Variants in PLEKHH2 observed in about 807,000 individuals in gnomAD.
PLEKHH2 encodes the protein pleckstrin homology domain-containing family H member 2.
PLEKHH2 carries 129 observed loss-of-function variants against 187.9 expected under a neutral mutation model. That is an observed-to-expected ratio of 0.69 (90% CI 0.59 to 0.79). PLEKHH2 has a LOEUF of 0.79. PLEKHH2 is among the 30% of genes least tolerant of loss of function. PLEKHH2 has a pLI of 0.00. For missense variants in PLEKHH2, 2,076 were observed against 1,751.2 expected (o/e 1.19, Z -3.31); for synonymous variants, 686 against 605.6 (o/e 1.13, Z -1.95).
At chr2:43,689,906 A>G (rs1478523232) in intron 3 of PLEKHH2, among the ~76,000 whole-genome samples, 1 of 152,226 alleles carries the variant, frequency 6.6e-6, no homozygotes, top group Non-Finnish European at 1.5e-5. Context: ...TTCCTAAGCA[A>G]CAATAGGACT....
chr2:43,683,560 C>G (rs77802273), intron 3 of PLEKHH2, among the ~76,000 whole-genome samples: 145 of 151,864 alleles, frequency 9.5e-4, no homozygotes, highest in African/African-American at 3.3e-3. Flanking sequence ...TTTCTTTCAA[C>G]TTATTTGTAT....
At chr2:43,683,774 C>G (rs1347636885) in intron 3 of PLEKHH2, among the ~76,000 whole-genome samples, 4 of 146,840 alleles carry the variant, frequency 2.7e-5, no homozygotes, top group African/African-American at 1.0e-4. Context: ...CTAGTTATCT[C>G]TCTCTCTCTC....
chr2:43,729,792 A>T, intron 18 of PLEKHH2, 47 bp downstream of exon 18: 1 of 1,334,608 alleles, frequency 7.5e-7, no homozygotes, highest in Non-Finnish European at 1.0e-6. Context: ...AATGAAATGG[A>T]CCTCAACCCG....
intron 26 of PLEKHH2, among the ~76,000 whole-genome samples, chr2:43,758,515 C>T (rs1304658223): frequency 6.6e-6 from 1 of 152,086 alleles, no homozygotes; most frequent in South Asian, 2.1e-4. Flanking sequence ...GGCCTCCCAA[C>T]GTGCTGGGAT....
At chr2:43,639,900 A>T (rs1315668713) in intron 1 of PLEKHH2, among the ~76,000 whole-genome samples, 1 of 151,810 alleles carries the variant, frequency 6.6e-6, no homozygotes, top group African/African-American at 2.4e-5. Context: ...CAGATGATCC[A>T]CCTGCTTTTG....
rs573236716 is a variant in PLEKHH2, at chr2:43,712,698, C to T, written c.2460+315C>T. ...TGGTTAATATCATTAATATTTAACA[C>T]GTTTTTTTCTAATCAGTAAGCAAAC... On this transcript the variant is annotated intron_variant, in intron 15 of 29. Coordinates refer to ENST00000282406, the MANE Select transcript of PLEKHH2 (RefSeq NM_172069.4). 3.9e-5 allele frequency among the ~76,000 whole-genome samples: 6 copies of T among 152,106 alleles called. No individual in the cohort carries two copies. The South Asian group carries it at 1.0e-3, about 26-fold the overall frequency.
rs60819579 is a variant in PLEKHH2 at position 43,707,196 on chromosome 2, C to CAAAAAAAAAAAAA, written c.1822-197_1822-185dup. On this transcript the variant is annotated intron_variant, in intron 10 of 29. Coordinates refer to ENST00000282406, the MANE Select transcript of PLEKHH2 (RefSeq NM_172069.4). ...GGGTGACAAGAGCAAGACTCCACCT[C>CAAAAAAAAAAAAA]AAAAAAAAAAAAAAAAAAAATTCTA... Among the ~76,000 whole-genome samples the CAAAAAAAAAAAAA allele has an allele frequency of 2.7e-4, 24 of 88,186 alleles. 1 individual carries two copies. The highest frequency in any genetic ancestry group is 1.0e-3 in the African/African-American group (22 of 21,452). 57.9% of individuals were successfully genotyped at this position (88,186 alleles called of 152,430 possible). A position where few individuals can be genotyped will look rare whatever the true frequency, so the allele number is the denominator to read the frequency against.
At chr2:43,675,611 C>T (rs750378177) in intron 2 of PLEKHH2, 2 of 1,613,656 alleles carry the variant, frequency 1.2e-6, no homozygotes, top group Non-Finnish European at 1.7e-6. Context: ...TCTCTTCCTT[C>T]ATAATCCTCT....
At chr2:43,641,434 A>G (rs1179550153) in intron 1 of PLEKHH2, among the ~76,000 whole-genome samples, 1 of 152,112 alleles carries the variant, frequency 6.6e-6, no homozygotes, top group Non-Finnish European at 1.5e-5. Flanking sequence ...GCAGCCCAGG[A>G]TGGCTTTGAA....
chr2:43,652,221 G>A (rs1318299697), intron 2 of PLEKHH2, among the ~76,000 whole-genome samples: 3 of 152,162 alleles, frequency 2.0e-5, no homozygotes. Context: ...TTGGCAGATG[G>A]GTTTAAGAGA....
rs954743672 is a variant in PLEKHH2 at position 43,729,620 on chromosome 2, T to C, written c.2722-17T>C. On this transcript the variant is annotated splice_polypyrimidine_tract_variant and intron_variant, in intron 17 of 29. Coordinates refer to ENST00000282406, the MANE Select transcript of PLEKHH2 (RefSeq NM_172069.4). ...AAACTGTGTCTTAACATTTAATTAA[T>C]ATGTTCTGGTTTTAAGGACACTTGG... 1.0e-4 allele frequency: 155 copies of C among 1,489,682 alleles called. No individual in the cohort carries two copies. The highest frequency in any genetic ancestry group is 1.4e-4 in the Non-Finnish European group (153 of 1,102,346). The allele number at this position is 1,489,682 out of a possible 1,614,324, so 92.3% of individuals were successfully genotyped here.
At chr2:43,680,778 C>G (rs145025597) in intron 3 of PLEKHH2, 3 of 366,398 alleles carry the variant, frequency 8.2e-6, no homozygotes, top group South Asian at 2.9e-5. Context: ...GTTTGTCATT[C>G]CAAGTTTCTC....
At chr2:43,678,119 G>A (rs1259333155) in intron 2 of PLEKHH2, among the ~76,000 whole-genome samples, 16 of 148,954 alleles carry the variant, frequency 1.1e-4, no homozygotes, top group Middle Eastern at 3.9e-3. Flanking sequence ...ACCGGGCGGC[G>A]GGGCAGAGGC....
intron 19 of PLEKHH2, among the ~76,000 whole-genome samples, chr2:43,736,560 C>T (rs576810995): frequency 2.0e-5 from 3 of 152,108 alleles, no homozygotes; most frequent in Non-Finnish European, 2.9e-5. Flanking sequence ...GCTGATCGGG[C>T]GCGGTGGCTC....
intron 16 of PLEKHH2, 132 bp from the exon 17 acceptor site, chr2:43,726,140 A>G: frequency 1.6e-6 from 1 of 625,930 alleles, no homozygotes. Flanking sequence ...AAAAAAAAAA[A>G]GGAAAATAAA....
chr2:43,707,350 G>T (rs1669711881), intron 10 of PLEKHH2, 51 bp from the exon 11 acceptor site: 3 of 1,600,096 alleles, frequency 1.9e-6, no homozygotes, highest in Non-Finnish European at 2.6e-6. Flanking sequence ...TTTCTTGGAT[G>T]AGTGGTAACA....
intron 7 of PLEKHH2, among the ~76,000 whole-genome samples, chr2:43,697,958 T>TA (rs1408382810): frequency 6.6e-6 from 1 of 151,766 alleles, no homozygotes; most frequent in African/African-American, 2.4e-5. Flanking sequence ...AGTGCTTCTA[T>TA]CAAAAAAAAA....
intron 16 of PLEKHH2, 76 bp downstream of exon 16, chr2:43,720,825 TCTC>T: frequency 6.6e-7 from 1 of 1,509,894 alleles, no homozygotes; most frequent in Non-Finnish European, 8.8e-7. Context: ...TTTTCTCTCT[TCTC>T]TTACTTTGTA....
At chr2:43,707,196 CAAAAAAAAA>C (rs60819579) in intron 10 of PLEKHH2, among the ~76,000 whole-genome samples, 196 bp from the exon 11 acceptor site, 1 of 88,196 alleles carries the variant, frequency 1.1e-5, no homozygotes, top group African/African-American at 4.7e-5. Flanking sequence ...GACTCCACCT[CAAAAAAAAA>C]AAAAAAAAAA....
Sources: gnomAD v4.1 joint callset for allele counts (sites outside exome capture counted in the v4.1 genomes callset) on GRCh38, gnomAD v4.1.1 for gene constraint, MANE v1.5 for transcripts, NCBI Gene and HGNC (gene_info 2026-07-23, HGNC 2026-07-21) for gene names.